The following LRCH2 variants were observed in gnomAD, a reference collection of about 807,000 sequenced individuals.
LRCH2 encodes the protein leucine-rich repeat and calponin homology domain-containing protein 2.
LRCH2 carries 38 observed loss-of-function variants against 68.9 expected under a neutral mutation model. The observed-to-expected ratio is 0.55, with a 90% confidence interval of 0.43 to 0.72. The LOEUF is 0.72. Among genes scored for constraint, LRCH2 ranks in the 30% least tolerant of loss-of-function variants. The probability of loss-of-function intolerance (pLI) is 0.00; values close to 1 mark genes in which losing one functional copy is unlikely to be tolerated. For synonymous variants in LRCH2, 191 were observed against 208.1 expected (o/e 0.92, Z 0.71); for missense variants, 528 against 572.9 (o/e 0.92, Z 0.80).
intron 1 of LRCH2, among the ~76,000 whole-genome samples, chrX:115,197,557 G>T (rs1338905732): frequency 9.0e-6 from 1 of 110,660 alleles, no homozygotes; most frequent in Non-Finnish European, 1.9e-5. Context: ...TTTAGGACCA[G>T]CTTGGGCAAC....
intron 6 of LRCH2, 102 bp downstream of exon 6, chrX:115,170,197 C>T: frequency 2.5e-6 from 2 of 796,677 alleles, no homozygotes; most frequent in Non-Finnish European, 3.3e-6. Context: ...AGTGCTGGAC[C>T]AATCAGCCTA....
intron 1 of LRCH2, among the ~76,000 whole-genome samples, chrX:115,211,857 G>T (rs2073009852): frequency 8.9e-6 from 1 of 112,031 alleles, no homozygotes; most frequent in Non-Finnish European, 1.9e-5. Context: ...CCATTATAAA[G>T]CCCTCAGCTT....
At chrX:115,169,736 C>A (rs1481018895) in intron 6 of LRCH2, among the ~76,000 whole-genome samples, 1 of 111,257 alleles carries the variant, frequency 9.0e-6, no homozygotes, top group African/African-American at 3.3e-5. Flanking sequence ...ATCTTTCAGA[C>A]CAATCTACAT....
chrX:115,142,991 A>C (rs1172096030), intron 14 of LRCH2, among the ~76,000 whole-genome samples: 1 of 110,266 alleles, frequency 9.1e-6, no homozygotes, highest in African/African-American at 3.3e-5. Context: ...AGCTACTTGG[A>C]AGGCTGAAAG....
intron 12 of LRCH2, among the ~76,000 whole-genome samples, chrX:115,151,406 G>A (rs782779519): frequency 9.0e-6 from 1 of 111,048 alleles, no homozygotes; most frequent in South Asian, 3.8e-4. Flanking sequence ...AAAAAAGGGG[G>A]AGGAGACACA....
At chrX:115,191,833 G>C (rs1556560252) in intron 1 of LRCH2, 1 of 1,151,390 alleles carries the variant, frequency 8.7e-7, no homozygotes, top group Admixed American at 2.7e-5. Flanking sequence ...CTCACCCAAT[G>C]CCTACAGCGG....
chrX:115,128,056 A>G (rs1556528681), intron 15 of LRCH2, among the ~76,000 whole-genome samples: 1 of 112,115 alleles, frequency 8.9e-6, no homozygotes, highest in Non-Finnish European at 1.9e-5. Context: ...GAGAAGTGCA[A>G]GGAAGTTATT....
chrX:115,191,941 T>C lies in LRCH2; in HGVS notation c.350-3571A>G, dbSNP rs782134836. On this transcript the variant is annotated intron_variant, in intron 1 of 20. Transcript: ENST00000317135. Reference sequence around the variant, plus strand: ...TCTCGATGCCAACAGCGGAGGCCACTCACCCAACGCCTACAGTGGGGGCCG... The same window carrying C: ...TCTCGATGCCAACAGCGGAGGCCACCCACCCAACGCCTACAGTGGGGGCCG... The C allele has an allele frequency of 2.1e-4, 239 of 1,161,735 alleles. 1 individual carries two copies. The African/African-American group carries it at 3.6e-3, about 17-fold the overall frequency.
intron 2 of LRCH2, among the ~76,000 whole-genome samples, chrX:115,184,829 T>C (rs868916357): frequency 8.9e-6 from 1 of 111,864 alleles, no homozygotes; most frequent in Non-Finnish European, 1.9e-5. Context: ...CAGAGATCCA[T>C]AGCATAGCAA....
At chrX:115,178,412 G>A (rs1245467412) in intron 5 of LRCH2, among the ~76,000 whole-genome samples, 3 of 112,410 alleles carry the variant, frequency 2.7e-5, no homozygotes, top group Non-Finnish European at 5.6e-5. Context: ...AGTGGTTACA[G>A]TATTGGACCA....
chrX:115,211,093 G>A (rs1479147999), intron 1 of LRCH2, among the ~76,000 whole-genome samples: 1 of 111,957 alleles, frequency 8.9e-6, no homozygotes, highest in Non-Finnish European at 1.9e-5. Flanking sequence ...GCTGAAATGA[G>A]TTAAGACTTT....
chrX:115,174,461 C>CGTG (rs2072629952), intron 5 of LRCH2, among the ~76,000 whole-genome samples: 1 of 108,682 alleles, frequency 9.2e-6, no homozygotes, highest in Non-Finnish European at 1.9e-5. Flanking sequence ...TGAGATCACA[C>CGTG]AGCATTTATC....
intron 6 of LRCH2, among the ~76,000 whole-genome samples, chrX:115,167,126 C>G (rs1556545398): frequency 1.1e-5 from 1 of 89,976 alleles, no homozygotes; most frequent in African/African-American, 4.3e-5. Flanking sequence ...CCTCAATTAT[C>G]TAGCACCAAA....
rs186018503 is a variant in LRCH2 at position 115,190,704 on chromosome X, C to G, written c.350-2334G>C. The G allele has an allele frequency of 3.1e-4, 365 of 1,160,256 alleles. 1 individual carries two copies. In the East Asian group the frequency reaches 9.4e-3, roughly 30 times the overall value. On this transcript the variant is annotated intron_variant, in intron 1 of 20. Transcript: ENST00000317135. ...AGAGCCACCACTATGGAGGAGAAGG[C>G]CGCTATGAGGAGTACCGAGGCCGCT...
Position 115,183,045 on chromosome X carries a change from G to A in LRCH2, c.621+1366C>T, listed in dbSNP as rs181826596. Among the ~76,000 whole-genome samples the A allele has an allele frequency of 4.4e-4, 48 of 108,650 alleles. No individual in the cohort carries two copies. The East Asian group carries it at 0.013, about 30-fold the overall frequency. The allele number at this position is 108,650 out of a possible 115,157, so 94.3% of individuals were successfully genotyped here. On this transcript the variant is annotated intron_variant, in intron 3 of 20. Transcript: ENST00000317135. ...AGTTTTGCAAAGAAGAATTAGGACAGTCACGCATGCACACGCACGCACACG... is the reference window on the plus strand; with the variant it reads ...AGTTTTGCAAAGAAGAATTAGGACAATCACGCATGCACACGCACGCACACG...
rs147813471 is a variant in LRCH2, at chrX:115,154,512, T to C, written c.1529+2090A>G. On this transcript the variant is annotated intron_variant, in intron 12 of 20. Transcript: ENST00000317135. ...GCCATATTCTGGGCCATAAAAATACTCAATATATTTCAACAATAGAAAGTG... is the reference window on the plus strand; with the variant it reads ...GCCATATTCTGGGCCATAAAAATACCCAATATATTTCAACAATAGAAAGTG... 4.0e-3 allele frequency among the ~76,000 whole-genome samples: 449 copies of C among 111,479 alleles called. 4 individuals carry two copies. The highest frequency in any genetic ancestry group is 0.011 in the African/African-American group (338 of 30,746).
intron 1 of LRCH2, among the ~76,000 whole-genome samples, chrX:115,212,048 T>C (rs895814667): frequency 3.6e-5 from 4 of 112,287 alleles, no homozygotes; most frequent in Non-Finnish European, 5.6e-5. Flanking sequence ...GCCAAAAGCA[T>C]TGTGCTGAGT....
At chrX:115,121,365 A>T (rs2147344334) in intron 20 of LRCH2, among the ~76,000 whole-genome samples, 1 of 111,818 alleles carries the variant, frequency 8.9e-6, no homozygotes, top group East Asian at 2.8e-4. Flanking sequence ...TTAAAACATC[A>T]CATCAGCCAA....
chrX:115,140,104 T>C (rs991218219), intron 14 of LRCH2, among the ~76,000 whole-genome samples: 19 of 111,036 alleles, frequency 1.7e-4, no homozygotes, highest in African/African-American at 5.9e-4. Context: ...ACCCCTTCCT[T>C]TCACTTGAGG....
Sources: allele counts gnomAD v4.1 joint callset (sites outside exome capture counted in the v4.1 genomes callset), GRCh38; gene constraint gnomAD v4.1.1; transcripts MANE v1.5; gene names NCBI Gene and HGNC (gene_info 2026-07-23, HGNC 2026-07-21).